The following RPUSD2 variants were observed in gnomAD, a reference collection of about 807,000 sequenced individuals.
The protein encoded by RPUSD2 is pseudouridylate synthase RPUSD2.
In RPUSD2, 31 loss-of-function variants were observed where a neutral mutation model predicts 41.5. That is an observed-to-expected ratio of 0.75 (90% confidence interval 0.56 to 1.01). RPUSD2 has a LOEUF of 1.01. Ranked by LOEUF, RPUSD2 falls within the 50% of genes least tolerant of loss-of-function variation. RPUSD2 has a pLI of 0.00. For synonymous variants in RPUSD2, 305 were observed against 289.7 expected (o/e 1.05, Z -0.54); for missense variants, 749 against 724.7 (o/e 1.03, Z -0.38).
rs1217029443 is a variant in RPUSD2, at chr15:40,574,935, T to A, written c.*674T>A. 1 of 152,244 alleles carries A rather than the reference T, an allele frequency of 6.6e-6. No homozygotes were observed. Among genetic ancestry groups the A allele is most frequent in the Non-Finnish European group, 1.5e-5 (1 of 68,036 alleles). 9.4% of individuals were successfully genotyped at this position (152,244 alleles called of 1,614,324 possible). On this transcript the variant is annotated 3_prime_UTR_variant, in exon 3 of 3. Transcript: ENST00000315616. ...TTCTGGACATTTTATATAAATGGAA[T>A]GATAAAACATGTGACCTATGTCTCT...
chr15:40,570,035 T>C, intron 1 of RPUSD2, 92 bp downstream of exon 1: 3 of 1,370,176 alleles, frequency 2.2e-6, no homozygotes, highest in Admixed American at 2.9e-5. Context: ...TAGTAAAGCA[T>C]AGGTACTGGA....
rs1891203194 is a variant in RPUSD2, at chr15:40,574,058, G to A, written c.1435G>A (p.Ala479Thr). 1 of 1,614,180 alleles carries A rather than the reference G, an allele frequency of 6.2e-7. No individual in the cohort carries two copies. The highest frequency in any genetic ancestry group is 8.5e-7 in the Non-Finnish European group (1 of 1,180,032). The stretch of plus-strand genomic sequence containing the variant: ...AGCCCCTCAGGAGTTGGACACAATA[G>A]CCTTGGCATCAGAGAAGGCAGTTGA... ...EAAPQELDTI[A>T]LASEKAVETD... is the part of the protein sequence containing the mutation. The change falls in exon 3 of 3, where the codon GCC becomes ACC. Residue 479 changes from alanine (A) to threonine (T), a missense_variant. Transcript: ENST00000315616.
Position 40,574,013 on chromosome 15 carries a change from A to G in RPUSD2, c.1390A>G (p.Met464Val). The G allele has an allele frequency of 6.2e-7, 1 of 1,614,080 alleles. No homozygotes were observed. The highest frequency in any genetic ancestry group is 8.5e-7 in the Non-Finnish European group (1 of 1,180,000). The change falls in exon 3 of 3, where the codon ATG (methionine) becomes GTG (valine). Residue 464 changes from methionine to valine, a missense_variant. Physicochemically the swap from Met to Val is conservative, Grantham distance 21 (BLOSUM62 1). Transcript: ENST00000315616. ...LEELAAAAQK[M>V]EEVAEAAPQE... The stretch of plus-strand genomic sequence containing the variant: ...AGAGTTGGCTGCAGCTGCCCAGAAG[A>G]TGGAGGAAGTAGCTGAGGCAGCCCC...
At chr15:40,572,851 A>G (rs1354094377) in intron 2 of RPUSD2, among the ~76,000 whole-genome samples, 2 of 152,126 alleles carry the variant, frequency 1.3e-5, no homozygotes, top group Non-Finnish European at 2.9e-5. Context: ...TCTTGGGTAG[A>G]GGAGTTTAAT....
At position 40,569,892 on chromosome 15, in the gene RPUSD2, C is replaced by A; in HGVS notation, c.555C>A (p.Gly185=). ...LAYYEAAVRA[G]RLQLNEKPVQ... Reference sequence around the variant, plus strand: ...ACTATGAGGCCGCGGTCCGGGCGGGCCGCCTGCAACTCAACGAGAAGCCGG... The same window carrying A: ...ACTATGAGGCCGCGGTCCGGGCGGGACGCCTGCAACTCAACGAGAAGCCGG... The change falls in exon 1 of 3, where the codon GGC becomes GGA. Residue 185 remains glycine (G), a synonymous_variant. Transcript: ENST00000315616. 1 of 1,578,920 alleles carries A rather than the reference C, an allele frequency of 6.3e-7. No individual in the cohort carries two copies. The highest frequency in any genetic ancestry group is 8.6e-7 in the Non-Finnish European group (1 of 1,162,984).
Position 40,574,316 on chromosome 15 carries a change from G to A in RPUSD2, c.*55G>A, listed in dbSNP as rs1173180963. 44 of 1,560,546 alleles carry A rather than the reference G, an allele frequency of 2.8e-5. No individual in the cohort carries two copies. Among genetic ancestry groups the A allele is most frequent in the Non-Finnish European group, 3.6e-5 (42 of 1,156,432 alleles). On this transcript the variant is annotated 3_prime_UTR_variant, in exon 3 of 3. Transcript: ENST00000315616. ...GGGTTGTGACAAGGATGGGCTATAG[G>A]GCAAGGGCTGACCCCATGGGCTAGT...
At chr15:40,570,076 G>A (rs1213094380) in intron 1 of RPUSD2, 133 bp downstream of exon 1, 6 of 1,256,028 alleles carry the variant, frequency 4.8e-6, no homozygotes, top group Non-Finnish European at 6.3e-6. Context: ...AAGCGTTCTC[G>A]CTTTCATTTG....
chr15:40,571,915 T>G lies in RPUSD2; in HGVS notation c.903+15T>G. ...GGGACCGGCAGGTGAGTCAGGCTTT[T>G]GTCTCCTACAGGCCACTTCTTGGGC... On this transcript the variant is annotated intron_variant, in intron 2 of 2. Transcript: ENST00000315616. 1 of 1,610,552 alleles carries G rather than the reference T, an allele frequency of 6.2e-7. No individual in the cohort carries two copies. Among genetic ancestry groups the G allele is most frequent in the South Asian group, 1.1e-5 (1 of 90,916 alleles).
In RPUSD2 at chr15:40,569,568, G is replaced by A. The variant is rs1363613054; in HGVS notation, c.231G>A (p.Arg77=). ...LSPGPPKPAG[R]EVEPAPVGGE... ...CCGGGCCCCCGAAGCCGGCTGGCCG[G>A]GAAGTGGAGCCGGCCCCAGTAGGCG... Residue 77 remains arginine, a synonymous_variant, in exon 1 of 3, where the codon CGG becomes CGA. Transcript: ENST00000315616. 1 of 1,534,120 alleles carries A rather than the reference G, an allele frequency of 6.5e-7. No homozygotes were observed. The highest frequency in any genetic ancestry group is 8.7e-7 in the Non-Finnish European group (1 of 1,143,000).
At chr15:40,570,076 G>T in intron 1 of RPUSD2, 133 bp downstream of exon 1, 10 of 1,256,148 alleles carry the variant, frequency 8.0e-6, no homozygotes, top group Non-Finnish European at 1.1e-5. Context: ...AAGCGTTCTC[G>T]CTTTCATTTG....
chr15:40,569,952 C>G lies in RPUSD2; in HGVS notation c.606+9C>G. On this transcript the variant is annotated intron_variant, in intron 1 of 2. Coordinates refer to ENST00000315616, the MANE Select transcript of RPUSD2 (RefSeq NM_152260.3). ...TCAACATCGTGCTCAAGGTGGAGTC[C>G]TGATGGGGCTGGCCAGAAGCGGGCG... 6.5e-7 allele frequency: 1 copy of G among 1,527,592 alleles called. No individual in the cohort carries two copies. Among genetic ancestry groups the G allele is most frequent in the Non-Finnish European group, 8.8e-7 (1 of 1,139,276 alleles). 94.6% of individuals were successfully genotyped at this position (1,527,592 alleles called of 1,614,324 possible).
chr15:40,573,315 T>C (rs1028419788), intron 2 of RPUSD2, among the ~76,000 whole-genome samples: 8 of 152,294 alleles, frequency 5.3e-5, no homozygotes, highest in Non-Finnish European at 1.2e-4. Context: ...GTGAGCCACC[T>C]CACCCAGCTG....
At chr15:40,570,018 T>TTTTGTTTTGTTTTG in intron 1 of RPUSD2, 75 bp downstream of exon 1, 2 of 728,484 alleles carry the variant, frequency 2.7e-6, no homozygotes, top group Non-Finnish European at 3.8e-6. Flanking sequence ...GTTTTGTTTT[T>TTTTGTTTTGTTTTG]TAGTCTTAGT....
chr15:40,573,709 C>T lies in RPUSD2; in HGVS notation c.1086C>T (p.Cys362=). Residue 362 remains cysteine (C), a synonymous_variant, in exon 3 of 3, where the codon TGC becomes TGT. Transcript: ENST00000315616. The stretch of plus-strand genomic sequence containing the variant: ...ATGGCCAGTCCAGTGTGGTACGGTG[C>T]CGGCCACTCACAGGCCGCACACACC... The part of the protein sequence containing the change: ...SYNGQSSVVR[C]RPLTGRTHQI... 6.2e-7 allele frequency: 1 copy of T among 1,614,178 alleles called. No homozygotes were observed. The highest frequency in any genetic ancestry group is 2.2e-5 in the East Asian group (1 of 44,882).
In RPUSD2 at chr15:40,574,333, TGG is replaced by T; in HGVS notation, c.*74_*75del. The T allele has an allele frequency of 6.6e-7, 1 of 1,522,466 alleles. No individual in the cohort carries two copies. Among genetic ancestry groups the T allele is most frequent in the South Asian group, 1.3e-5 (1 of 79,442 alleles). 94.3% of individuals were successfully genotyped at this position (1,522,466 alleles called of 1,614,324 possible). On this transcript the variant is annotated 3_prime_UTR_variant, in exon 3 of 3. Coordinates refer to ENST00000315616, the MANE Select transcript of RPUSD2 (RefSeq NM_152260.3). ...GGCTATAGGGCAAGGGCTGACCCCA[TGG>T]GCTAGTACTTGGGGTTTCTATAGGA... is the stretch of plus-strand genomic sequence containing the variant.
Position 40,571,588 on chromosome 15 carries a change from C to T in RPUSD2, c.607-16C>T. On this transcript the variant is annotated splice_polypyrimidine_tract_variant and intron_variant, in intron 1 of 2. Coordinates refer to ENST00000315616, the MANE Select transcript of RPUSD2 (RefSeq NM_152260.3). ...CTGCGGTCCCTAGGCTGACTTATTA[C>T]CTATGTCTTTGACAGGACAATGATT... The T allele has an allele frequency of 2.5e-6, 4 of 1,612,410 alleles. No individual in the cohort carries two copies. The highest frequency in any genetic ancestry group is 2.5e-6 in the Non-Finnish European group (3 of 1,178,728).
In RPUSD2 at chr15:40,573,593, C is replaced by G; in HGVS notation, c.970C>G (p.Pro324Ala). The change falls in exon 3 of 3, where the codon CCC becomes GCC. Residue 324 changes from proline (P) to alanine (A), a missense_variant. Transcript: ENST00000315616. ...CACTGAGGAAGTGACCTGTAAAGAA[C>G]CCATCTTAGTGGTGTCTTACAAAGT... ...FPTEEVTCKE[P>A]ILVVSYKVGV... is the part of the protein sequence containing the mutation. The G allele has an allele frequency of 6.2e-7, 1 of 1,614,176 alleles. No homozygotes were observed. Among genetic ancestry groups the G allele is most frequent in the South Asian group, 1.1e-5 (1 of 91,076 alleles).
rs1891104855 is a variant in RPUSD2, at chr15:40,569,992, G to GTTTTGTTTTGTTTTGTTTT, written c.606+49_606+50insTTTTGTTTTGTTTTGTTTT. The GTTTTGTTTTGTTTTGTTTT allele has an allele frequency of 2.1e-5, 29 of 1,412,800 alleles. No homozygotes were observed. In the African/African-American group the frequency reaches 3.7e-4, roughly 18 times the overall value. 87.5% of individuals were successfully genotyped at this position (1,412,800 alleles called of 1,614,324 possible). A position where few individuals can be genotyped will look rare whatever the true frequency, so the allele number is the denominator to read the frequency against. ...AGAAGCGGGCGAGGAAAAGGGGCCG[G>GTTTTGTTTTGTTTTGTTTT]GTTTTGTTTTGTTTTGTTTTGTTTT... is the stretch of plus-strand genomic sequence containing the variant. On this transcript the variant is annotated intron_variant, in intron 1 of 2. Transcript: ENST00000315616.
chr15:40,573,489 G>A (rs781012667), intron 2 of RPUSD2, 38 bp from the exon 3 acceptor site: 2 of 1,577,938 alleles, frequency 1.3e-6, no homozygotes, highest in Non-Finnish European at 1.7e-6. Context: ...ATGAATTTAG[G>A]CTTTGTACTG....
Sources: gnomAD v4.1 joint callset for allele counts (sites outside exome capture counted in the v4.1 genomes callset) on GRCh38, gnomAD v4.1.1 for gene constraint, MANE v1.5 for transcripts, NCBI Gene and HGNC (gene_info 2026-07-23, HGNC 2026-07-21) for gene names.